The following SPRY1 variants were observed in gnomAD, a reference collection of about 807,000 sequenced individuals.
The protein encoded by SPRY1 is sprouty RTK signaling antagonist 1, also known as protein sprouty homolog 1.
SPRY1 carries 20 observed loss-of-function variants against 22.6 expected under a neutral mutation model. That is an observed-to-expected ratio of 0.89 (90% CI 0.62 to 1.29). The LOEUF (loss-of-function observed/expected upper bound fraction) is 1.29. SPRY1 is among the 50% of genes most tolerant of loss of function. SPRY1 has a pLI of 0.00. For missense variants in SPRY1, 446 were observed against 387.7 expected (o/e 1.15, Z -1.26); for synonymous variants, 155 against 144.7 (o/e 1.07, Z -0.51).
At position 123,402,155 on chromosome 4, in the gene SPRY1, G is replaced by A. The variant is rs760600305; in HGVS notation, c.564G>A (p.Lys188=). The change falls in exon 3 of 3, where the codon AAG becomes AAA. Residue 188 remains lysine, a synonymous_variant. Transcript: ENST00000651917. Reference sequence around the variant, plus strand: ...TTTGTGAACAGTGTGGGAAGTGCAAGTGTGGAGAATGCACTGCTCCCAGGA... The same window carrying A: ...TTTGTGAACAGTGTGGGAAGTGCAAATGTGGAGAATGCACTGCTCCCAGGA... The part of the protein sequence containing the change: ...KFICEQCGKC[K]CGECTAPRTL... 11 of 1,614,124 alleles carry A rather than the reference G, an allele frequency of 6.8e-6. No homozygotes were observed. In the African/African-American group the frequency reaches 1.3e-4, roughly 20 times the overall value.
At chr4:123,398,217 G>C (rs1724989242) in intron 2 of SPRY1, 1 of 152,236 alleles carries the variant, frequency 6.6e-6, no homozygotes, top group Non-Finnish European at 1.5e-5. Context: ...AGGGGCTGCA[G>C]AAGACCTCCC....
In SPRY1 at chr4:123,402,071, A is replaced by ACT; in HGVS notation, c.481_482dup (p.Ile162Ter). The ACT allele has an allele frequency of 6.2e-7, 1 of 1,614,224 alleles. No individual in the cohort carries two copies. Among genetic ancestry groups the ACT allele is most frequent in the Non-Finnish European group, 8.5e-7 (1 of 1,180,042 alleles). ...GGGCAATCCGGACCCAGCCCAAGCAACTGATTGTGGATGACTTGAAGGGTT... is the reference window on the plus strand; with the variant it reads ...GGGCAATCCGGACCCAGCCCAAGCAACTCTGATTGTGGATGACTTGAAGGGTT... On this transcript the variant is annotated frameshift_variant, in exon 3 of 3. Coordinates refer to ENST00000651917, the MANE Select transcript of SPRY1 (RefSeq NM_001258038.2). LOFTEE classifies it high-confidence loss of function.
At chr4:123,399,896 T>A (rs1011005628) in intron 2 of SPRY1, 1 of 152,244 alleles carries the variant, frequency 6.6e-6, no homozygotes, top group East Asian at 1.9e-4. Flanking sequence ...GAAAATGGGC[T>A]TTTCTTCGGA....
At position 123,402,941 on chromosome 4, in the gene SPRY1, A is replaced by T; in HGVS notation, c.*390A>T. Reference sequence around the variant, plus strand: ...GTGGGAGCAGGGAAATTGGTTTTTTAAAAAGCAACTGTTTAATTGCTTAAA... The same window carrying T: ...GTGGGAGCAGGGAAATTGGTTTTTTTAAAAGCAACTGTTTAATTGCTTAAA... On this transcript the variant is annotated 3_prime_UTR_variant, in exon 3 of 3. Coordinates refer to ENST00000651917, the MANE Select transcript of SPRY1 (RefSeq NM_001258038.2). The T allele has an allele frequency of 4.7e-6, 2 of 430,034 alleles. No homozygotes were observed. Among genetic ancestry groups the T allele is most frequent in the Non-Finnish European group, 4.3e-6 (1 of 235,232 alleles). The allele number at this position is 430,034 out of a possible 1,614,324, so 26.6% of individuals were successfully genotyped here.
In SPRY1 at chr4:123,403,084, TCTC is replaced by T. The variant is rs1725237231; in HGVS notation, c.*536_*538del. 3.3e-6 allele frequency: 1 copy of T among 303,072 alleles called. No homozygotes were observed. The highest frequency in any genetic ancestry group is 6.3e-6 in the Non-Finnish European group (1 of 158,902). The allele number at this position is 303,072 out of a possible 1,614,324, so 18.8% of individuals were successfully genotyped here. A position where few individuals can be genotyped will look rare whatever the true frequency, so the allele number is the denominator to read the frequency against. ...AAAAATTTTCCTTTAACCACTGCCC[TCTC>T]CTTCTTTCTCCTTCAAGGTTCTTTC... On this transcript the variant is annotated 3_prime_UTR_variant, in exon 3 of 3. Transcript: ENST00000651917.
chr4:123,400,616 C>T (rs887897180), intron 2 of SPRY1, among the ~76,000 whole-genome samples: 8 of 152,152 alleles, frequency 5.3e-5, no homozygotes, highest in Admixed American at 1.3e-4. Flanking sequence ...ACAAGAAGAA[C>T]GTTGAATCAG....
intron 1 of SPRY1, 104 bp from the exon 2 acceptor site, chr4:123,397,507 C>T (rs1466395946): frequency 6.6e-6 from 1 of 152,298 alleles, no homozygotes; most frequent in Non-Finnish European, 1.5e-5. Flanking sequence ...ACAGGGAGCA[C>T]ATGGCAACGG....
intron 2 of SPRY1, among the ~76,000 whole-genome samples, chr4:123,399,309 G>A (rs1725051367): frequency 6.6e-6 from 1 of 151,968 alleles, no homozygotes; most frequent in African/African-American, 2.4e-5. Flanking sequence ...CCGGGAGGCG[G>A]AGGTTGCAGT....
rs762749150 is a variant in SPRY1, at chr4:123,401,648, T to G, written c.57T>G (p.Pro19=). 5 of 1,614,222 alleles carry G rather than the reference T, an allele frequency of 3.1e-6. No individual in the cohort carries two copies. Among genetic ancestry groups the G allele is most frequent in the East Asian group, 2.2e-5 (1 of 44,886 alleles). Residue 19 remains proline, a synonymous_variant, in exon 3 of 3, where the codon CCT becomes CCG. Transcript: ENST00000651917. ...SGSSLVVIQQ[P]SLDSRQRLDY... ...GTTCGTTAGTTGTGATCCAGCAGCC[T>G]TCTTTGGATAGCCGTCAGAGATTAG...
intron 2 of SPRY1, among the ~76,000 whole-genome samples, chr4:123,399,052 A>G (rs1043492374): frequency 7.9e-5 from 12 of 152,062 alleles, no homozygotes; most frequent in Admixed American, 4.6e-4. Flanking sequence ...GTGCAAAGAC[A>G]GGGGAAGGGA....
intron 2 of SPRY1, among the ~76,000 whole-genome samples, chr4:123,398,768 C>G (rs72684639): frequency 6.6e-6 from 1 of 152,030 alleles, no homozygotes; most frequent in East Asian, 1.9e-4. Flanking sequence ...CGTAACAGGA[C>G]AGGGTCTCCT....
intron 2 of SPRY1, among the ~76,000 whole-genome samples, chr4:123,401,232 T>G (rs1725133794): frequency 6.6e-6 from 1 of 152,168 alleles, no homozygotes; most frequent in Admixed American, 6.5e-5. Context: ...CATGCTCCAT[T>G]TTAATTATTA....
In SPRY1 at chr4:123,401,710, C is replaced by T; in HGVS notation, c.119C>T (p.Ser40Phe). 6.2e-7 allele frequency: 1 copy of T among 1,614,140 alleles called. No homozygotes were observed. The highest frequency in any genetic ancestry group is 8.5e-7 in the Non-Finnish European group (1 of 1,180,040). The change falls in exon 3 of 3, where the codon TCC becomes TTC. Residue 40 changes from serine to phenylalanine, a missense_variant. Transcript: ENST00000651917. The stretch of plus-strand genomic sequence containing the variant: ...GAGATTCAGCCTACTGCTATTTTGT[C>T]CTTAGACCAGATCAAGGCCATAAGA... ...EREIQPTAIL[S>F]LDQIKAIRGS...
rs368008252 is a variant in SPRY1, at chr4:123,402,420, A to G, written c.829A>G (p.Lys277Glu). Residue 277 changes from lysine (K) to glutamate (E), a missense_variant, in exon 3 of 3, where the codon AAA (lysine) becomes GAA (glutamate). By Grantham distance (56) the Lys-to-Glu change is moderately conservative. Coordinates refer to ENST00000651917, the MANE Select transcript of SPRY1 (RefSeq NM_001258038.2). ...TTGCTTACTCTGTTATCCTCCTGCT[A>G]AAGGATGCCTGAAGCTGTGCAGGAG... ...LPCLLCYPPA[K>E]GCLKLCRRCY... The G allele has an allele frequency of 3.1e-6, 5 of 1,614,010 alleles. No individual in the cohort carries two copies. The highest frequency in any genetic ancestry group is 4.2e-6 in the Non-Finnish European group (5 of 1,180,026).
At chr4:123,399,495 C>A (rs1725058778) in intron 2 of SPRY1, 1 of 152,314 alleles carries the variant, frequency 6.6e-6, no homozygotes, top group Non-Finnish European at 1.5e-5. Flanking sequence ...TTTTCCTTTT[C>A]CTTCTTCCGT....
In SPRY1 at chr4:123,397,691, T is replaced by C. The variant is rs1367631228; in HGVS notation, c.-221T>C. The C allele has an allele frequency of 6.6e-6, 1 of 151,358 alleles. No individual in the cohort carries two copies. Among genetic ancestry groups the C allele is most frequent in the East Asian group, 2.0e-4 (1 of 5,128 alleles). 9.4% of individuals were successfully genotyped at this position (151,358 alleles called of 1,614,324 possible). A position where few individuals can be genotyped will look rare whatever the true frequency, so the allele number is the denominator to read the frequency against. On this transcript the variant is annotated 5_prime_UTR_variant, in exon 2 of 3. Coordinates refer to ENST00000651917, the MANE Select transcript of SPRY1 (RefSeq NM_001258038.2). Reference sequence around the variant, plus strand: ...AGAGGCTGACCTGCCGGGACCGGAGTGCCCGGGGACGCTGTGCCCCCACTT... The same window carrying C: ...AGAGGCTGACCTGCCGGGACCGGAGCGCCCGGGGACGCTGTGCCCCCACTT...
In SPRY1 at chr4:123,402,051, A is replaced by T. The variant is rs374766594; in HGVS notation, c.460A>T (p.Ile154Phe). ...PVPGHRSERA[I>F]RTQPKQLIVD... ...CCCTGGTCATAGGTCTGAAAGGGCA[A>T]TCCGGACCCAGCCCAAGCAACTGAT... The change falls in exon 3 of 3, where the codon ATC (isoleucine) becomes TTC (phenylalanine). Residue 154 changes from isoleucine (I) to phenylalanine (F), a missense_variant. Transcript: ENST00000651917. The T allele has an allele frequency of 1.3e-5, 21 of 1,614,070 alleles. No individual in the cohort carries two copies. The highest frequency in any genetic ancestry group is 1.8e-5 in the Non-Finnish European group (21 of 1,180,034).
At position 123,401,821 on chromosome 4, in the gene SPRY1, C is replaced by T; in HGVS notation, c.230C>T (p.Thr77Ile). 1 of 1,614,204 alleles carries T rather than the reference C, an allele frequency of 6.2e-7. No individual in the cohort carries two copies. Among genetic ancestry groups the T allele is most frequent in the Non-Finnish European group, 8.5e-7 (1 of 1,180,054 alleles). The change falls in exon 3 of 3, where the codon ACT (threonine) becomes ATT (isoleucine). Residue 77 changes from threonine to isoleucine, a missense_variant. Physicochemically the swap from Thr to Ile is moderately conservative, Grantham distance 89. Coordinates refer to ENST00000651917, the MANE Select transcript of SPRY1 (RefSeq NM_001258038.2). The part of the protein sequence containing the change: ...TAPRQEKHER[T>I]HEIIPINVNN... ...CCAAGACAAGAAAAGCATGAAAGGA[C>T]TCATGAAATCATACCAATTAATGTG... is the stretch of plus-strand genomic sequence containing the variant.
intron 2 of SPRY1, among the ~76,000 whole-genome samples, chr4:123,399,209 T>G (rs931952874): frequency 1.3e-5 from 2 of 151,972 alleles, no homozygotes; most frequent in South Asian, 4.2e-4. Flanking sequence ...AACCCCGTCT[T>G]TACTAAAAAT....
Sources: allele counts gnomAD v4.1 joint callset (sites outside exome capture counted in the v4.1 genomes callset), GRCh38; gene constraint gnomAD v4.1.1; transcripts MANE v1.5; gene names NCBI Gene and HGNC (gene_info 2026-07-23, HGNC 2026-07-21).